The following GALNT13 variants were observed in gnomAD, a reference collection of about 807,000 sequenced individuals.
The protein encoded by GALNT13 is polypeptide N-acetylgalactosaminyltransferase 13.
A neutral mutation model predicts 64.2 loss-of-function variants in GALNT13; 28 were observed. That is an observed-to-expected ratio of 0.44 (90% CI 0.32 to 0.60). The LOEUF is 0.60. Ranked by LOEUF, GALNT13 falls within the 20% of genes least tolerant of loss-of-function variation. The pLI, the probability that GALNT13 is intolerant of heterozygous loss-of-function variation, is 0.05. For synonymous variants in GALNT13, 214 were observed against 224.6 expected, an observed-to-expected ratio of 0.95 and a Z score of 0.42; for missense variants, 577 against 669.8, an observed-to-expected ratio of 0.86 and a Z score of 1.53.
At chr2:153,293,775 GT>G in the GALNT13 span, among the ~76,000 whole-genome samples, 5 of 113,788 alleles carry the variant, frequency 4.4e-5, no homozygotes, top group Non-Finnish European at 9.2e-5. Context: ...GTGTGTGTGT[GT>G]GTGTGTGTGT....
At chr2:153,123,411 T>C in the GALNT13 span, among the ~76,000 whole-genome samples, 16,297 of 152,226 alleles carry the variant, frequency 0.11, 958 homozygotes, top group African/African-American at 0.13. Context: ...CCAGAGTTGA[T>C]GGTTTACTAA....
chr2:153,710,684 C>T, the GALNT13 span, among the ~76,000 whole-genome samples: 11 of 152,018 alleles, frequency 7.2e-5, no homozygotes, highest in Non-Finnish European at 1.3e-4. Flanking sequence ...ATACAACCAT[C>T]CAACAATCCT....
the GALNT13 span, among the ~76,000 whole-genome samples, chr2:153,833,050 T>A: frequency 6.6e-6 from 1 of 152,088 alleles, no homozygotes; most frequent in African/African-American, 2.4e-5. Flanking sequence ...CCATTCTGAG[T>A]AGCCTGATGA....
the GALNT13 span, among the ~76,000 whole-genome samples, chr2:153,671,095 G>A: frequency 9.2e-5 from 14 of 152,126 alleles, no homozygotes; most frequent in Admixed American, 2.6e-4. Flanking sequence ...TGAAAGTGAC[G>A]GGGAGAATGG....
the GALNT13 span, among the ~76,000 whole-genome samples, chr2:153,290,191 CTATT>C: frequency 2.0e-5 from 3 of 152,026 alleles, no homozygotes; most frequent in African/African-American, 7.2e-5. Flanking sequence ...AAATTGTTAG[CTATT>C]TATTATCATT....
the GALNT13 span, among the ~76,000 whole-genome samples, chr2:153,181,576 G>A: frequency 1.0e-4 from 15 of 147,938 alleles, no homozygotes; most frequent in Admixed American, 1.0e-3. Context: ...CTGTTTGGAT[G>A]CCCTGTCCAT....
At chr2:153,830,211 T>C in the GALNT13 span, among the ~76,000 whole-genome samples, 1 of 152,166 alleles carries the variant, frequency 6.6e-6, no homozygotes, top group African/African-American at 2.4e-5. Flanking sequence ...AACATGCTTT[T>C]CAAAATCTGC....
At chr2:153,944,335 T>A in intron 2 of GALNT13, 59 bp from the exon 3 acceptor site, 1 of 583,016 alleles carries the variant, frequency 1.7e-6, no homozygotes, top group Non-Finnish European at 3.0e-6. Flanking sequence ...TGTTATATGT[T>A]CTTTATCCAA....
intron 3 of GALNT13, among the ~76,000 whole-genome samples, chr2:154,068,223 G>A: frequency 6.6e-6 from 1 of 151,930 alleles, no homozygotes. Flanking sequence ...TAAATTCTGG[G>A]GAGGATGAGG....
At chr2:154,388,126 G>A (rs759469889) in intron 9 of GALNT13, among the ~76,000 whole-genome samples, 1 of 152,136 alleles carries the variant, frequency 6.6e-6, no homozygotes, top group Non-Finnish European at 1.5e-5. Context: ...GGTGCGAGAC[G>A]ATACCTTATT....
At chr2:153,293,771 GT>G in the GALNT13 span, among the ~76,000 whole-genome samples, 51 of 109,348 alleles carry the variant, frequency 4.7e-4, no homozygotes, top group Non-Finnish European at 8.2e-4. Flanking sequence ...TTGTGTGTGT[GT>G]GTGTGTGTGT....
the GALNT13 span, among the ~76,000 whole-genome samples, chr2:153,161,486 C>G: frequency 6.6e-6 from 1 of 151,862 alleles, no homozygotes; most frequent in African/African-American, 2.4e-5. Flanking sequence ...AAACATAGAT[C>G]AAAGTAAGGG....
chr2:153,345,709 C>CTTTCTT, the GALNT13 span, among the ~76,000 whole-genome samples: 6 of 115,758 alleles, frequency 5.2e-5, no homozygotes, highest in Admixed American at 9.4e-5. Context: ...CTTTCTCTTT[C>CTTTCTT]TCTCTTTCTG....
chr2:153,629,437 C>A, the GALNT13 span, among the ~76,000 whole-genome samples: 3 of 151,916 alleles, frequency 2.0e-5, no homozygotes, highest in Non-Finnish European at 4.4e-5. Flanking sequence ...GGAAAACTGG[C>A]TAGCCATATG....
the GALNT13 span, among the ~76,000 whole-genome samples, chr2:153,134,529 T>C: frequency 5.9e-5 from 9 of 152,192 alleles, no homozygotes; most frequent in African/African-American, 1.9e-4. Context: ...TTCTCAGTTA[T>C]TGTATTTATG....
At chr2:153,928,085 G>A (rs1171690472) in intron 2 of GALNT13, among the ~76,000 whole-genome samples, 1 of 151,924 alleles carries the variant, frequency 6.6e-6, no homozygotes, top group African/African-American at 2.4e-5. Context: ...CTGTGCTTTT[G>A]TTTGACTTTA....
At chr2:153,162,085 A>G in the GALNT13 span, among the ~76,000 whole-genome samples, 3 of 152,154 alleles carry the variant, frequency 2.0e-5, no homozygotes, top group Non-Finnish European at 2.9e-5. Flanking sequence ...ACATGAGATA[A>G]GGAGGATGAC....
rs570964471 is a variant in GALNT13, at chr2:154,195,163, G to A, written c.312-46867G>A. 8.6e-5 allele frequency among the ~76,000 whole-genome samples: 13 copies of A among 152,040 alleles called. No individual in the cohort carries two copies. In the South Asian group the frequency reaches 2.3e-3, roughly 27 times the overall value. On this transcript the variant is annotated intron_variant, in intron 4 of 12. Transcript: ENST00000392825. ...TGCAGCTCTTCAGCCCATCCCACTT[G>A]AGAATAAATACATCATCTTAAAGAT...
intron 3 of GALNT13, among the ~76,000 whole-genome samples, chr2:154,075,343 G>C (rs777015006): frequency 1.3e-5 from 2 of 151,632 alleles, no homozygotes; most frequent in Non-Finnish European, 1.5e-5. Context: ...AATATCAAAG[G>C]GTCCTTTCTT....
Sources: gnomAD v4.1 joint callset for allele counts (sites outside exome capture counted in the v4.1 genomes callset) on GRCh38, gnomAD v4.1.1 for gene constraint, MANE v1.5 for transcripts, NCBI Gene and HGNC (gene_info 2026-07-23, HGNC 2026-07-21) for gene names.